Variants in CCDC178 observed in about 807,000 individuals in gnomAD.
CCDC178 encodes the protein coiled-coil domain-containing protein 178.
A neutral mutation model predicts 117.4 loss-of-function variants in CCDC178; 126 were observed. The ratio of observed to expected loss-of-function variants is 1.07; its 90% CI spans 0.93 to 1.24. CCDC178 has a LOEUF of 1.24. CCDC178 is among the 50% of genes most tolerant of loss of function. The probability of loss-of-function intolerance (pLI) is 0.00; values close to 1 mark genes in which losing one functional copy is unlikely to be tolerated. For missense variants in CCDC178, 1,030 were observed against 986.9 expected, an observed-to-expected ratio of 1.04 and a Z score of -0.59; for synonymous variants, 283 against 313.4, an observed-to-expected ratio of 0.90 and a Z score of 1.02.
chr18:32,954,247 C>A (rs1424774427), intron 22 of CCDC178, among the ~76,000 whole-genome samples: 2 of 152,034 alleles, frequency 1.3e-5, no homozygotes, highest in Non-Finnish European at 2.9e-5. Flanking sequence ...TTTTATTCAT[C>A]AAATATTTAT....
At chr18:33,351,565 G>C (rs182683495) in intron 7 of CCDC178, among the ~76,000 whole-genome samples, 1 of 152,002 alleles carries the variant, frequency 6.6e-6, no homozygotes, top group East Asian at 1.9e-4. Context: ...TTTTTTGTTT[G>C]TTTGTTTTGT....
At chr18:33,011,452 G>T (rs1014174418) in intron 21 of CCDC178, among the ~76,000 whole-genome samples, 4 of 151,974 alleles carry the variant, frequency 2.6e-5, no homozygotes, top group African/African-American at 7.3e-5. Flanking sequence ...TAATAATTCT[G>T]TCAAAGCCCC....
chr18:33,135,027 T>C (rs1032917768), intron 20 of CCDC178, among the ~76,000 whole-genome samples: 3 of 152,070 alleles, frequency 2.0e-5, no homozygotes, highest in Non-Finnish European at 4.4e-5. Flanking sequence ...GAGCAGTATT[T>C]CAGAAAAAAA....
intron 20 of CCDC178, among the ~76,000 whole-genome samples, chr18:33,184,760 T>A (rs1269765908): frequency 2.6e-5 from 4 of 152,086 alleles, no homozygotes; most frequent in Non-Finnish European, 5.9e-5. Context: ...AATAGTGAAG[T>A]ATTATATAGT....
intron 2 of CCDC178, among the ~76,000 whole-genome samples, chr18:33,415,655 C>G (rs988667410): frequency 1.3e-5 from 2 of 152,004 alleles, no homozygotes; most frequent in African/African-American, 4.8e-5. Context: ...ATGTAACAAA[C>G]CTGCACGTTG....
intron 2 of CCDC178, among the ~76,000 whole-genome samples, chr18:33,433,957 T>A (rs1349185529): frequency 6.6e-6 from 1 of 152,164 alleles, no homozygotes; most frequent in East Asian, 1.9e-4. Flanking sequence ...ATGTTTGGAC[T>A]CTTTTAAATC....
At chr18:33,219,659 G>T (rs1215932584) in intron 18 of CCDC178, among the ~76,000 whole-genome samples, 1 of 152,042 alleles carries the variant, frequency 6.6e-6, no homozygotes, top group Non-Finnish European at 1.5e-5. Context: ...ATCATTCTCA[G>T]CAAACTATCA....
chr18:33,398,846 T>C (rs2063674077), intron 3 of CCDC178, among the ~76,000 whole-genome samples: 1 of 152,366 alleles, frequency 6.6e-6, no homozygotes, highest in Admixed American at 6.5e-5. Flanking sequence ...AAGTGTGTGA[T>C]AATATTATAT....
intron 3 of CCDC178, among the ~76,000 whole-genome samples, chr18:33,409,162 C>A (rs185644032): frequency 6.6e-6 from 1 of 152,080 alleles, no homozygotes; most frequent in Non-Finnish European, 1.5e-5. Flanking sequence ...GAGCCGCATG[C>A]GACATCTGCC....
At chr18:33,320,795 C>G in intron 11 of CCDC178, among the ~76,000 whole-genome samples, 1 of 152,030 alleles carries the variant, frequency 6.6e-6, no homozygotes, top group African/African-American at 2.4e-5. Flanking sequence ...AATCCTAAGC[C>G]AAAAGAACAA....
chr18:33,288,846 A>G (rs1234629946), intron 12 of CCDC178, among the ~76,000 whole-genome samples: 1 of 152,224 alleles, frequency 6.6e-6, no homozygotes, highest in African/African-American at 2.4e-5. Context: ...AAGAGTATTT[A>G]TAAAGAGTTG....
chr18:33,217,733 T>C (rs1004528533), intron 18 of CCDC178, among the ~76,000 whole-genome samples: 2 of 152,032 alleles, frequency 1.3e-5, no homozygotes, highest in African/African-American at 2.4e-5. Context: ...ACTTTTTATT[T>C]CTTTTTGCCC....
chr18:33,186,987 G>C (rs2058801977), intron 20 of CCDC178, among the ~76,000 whole-genome samples: 1 of 151,270 alleles, frequency 6.6e-6, no homozygotes, highest in South Asian at 2.1e-4. Context: ...AATTTATAAA[G>C]GTAAGCGGTT....
intron 3 of CCDC178, among the ~76,000 whole-genome samples, chr18:33,404,859 T>G (rs1271039995): frequency 6.6e-6 from 1 of 151,514 alleles, no homozygotes; most frequent in Non-Finnish European, 1.5e-5. Context: ...GTGAAAGGCA[T>G]GCAGAGCCAA....
At chr18:33,126,906 C>T (rs2058011534) in intron 20 of CCDC178, among the ~76,000 whole-genome samples, 1 of 151,446 alleles carries the variant, frequency 6.6e-6, no homozygotes, top group African/African-American at 2.4e-5. Flanking sequence ...ATCCCCACCT[C>T]AGTCTCCCAA....
chr18:32,983,504 C>T (rs1011859254), intron 21 of CCDC178, among the ~76,000 whole-genome samples: 1 of 152,002 alleles, frequency 6.6e-6, no homozygotes, highest in Non-Finnish European at 1.5e-5. Flanking sequence ...AATGCTGTAT[C>T]CTGTAGATTT....
At chr18:33,170,791 T>A (rs2058589509) in intron 20 of CCDC178, among the ~76,000 whole-genome samples, 3 of 152,174 alleles carry the variant, frequency 2.0e-5, no homozygotes, top group Admixed American at 2.0e-4. Context: ...AGGATTTTTT[T>A]ATTTCTTGGC....
intron 21 of CCDC178, among the ~76,000 whole-genome samples, chr18:33,039,635 A>G (rs545118354): frequency 6.6e-6 from 1 of 152,142 alleles, no homozygotes; most frequent in African/African-American, 2.4e-5. Context: ...TTCAAATCCT[A>G]GCTTCTATAT....
rs111338142 is a variant in CCDC178, at chr18:33,369,005, T to C, written c.348+1045A>G. Among the ~76,000 whole-genome samples the C allele has an allele frequency of 3.5e-4, 53 of 152,020 alleles. 1 individual carries two copies. The highest frequency in any genetic ancestry group is 1.3e-3 in the African/African-American group (52 of 41,552). On this transcript the variant is annotated intron_variant, in intron 6 of 22. Transcript: ENST00000383096. The stretch of plus-strand genomic sequence containing the variant: ...TAAAACTCATAGGAAGTATATAGCA[T>C]ATCATAGCAACAAATATTAATTTCT...
Sources: gnomAD v4.1 joint callset for allele counts (sites outside exome capture counted in the v4.1 genomes callset) on GRCh38, gnomAD v4.1.1 for gene constraint, MANE v1.5 for transcripts, NCBI Gene and HGNC (gene_info 2026-07-23, HGNC 2026-07-21) for gene names.